Variants in ARHGAP25 observed in about 807,000 individuals in gnomAD.
ARHGAP25 encodes Rho GTPase activating protein 25.
Under a neutral mutation model 71.0 loss-of-function variants are expected in ARHGAP25, and 34 were observed. The ratio of observed to expected loss-of-function variants is 0.48; its 90% CI spans 0.36 to 0.64. The LOEUF is 0.64. Among genes scored for constraint, ARHGAP25 ranks in the 30% least tolerant of loss-of-function variants. ARHGAP25 has a pLI of 0.00. For synonymous variants in ARHGAP25, 282 were observed against 296.5 expected (o/e 0.95, Z 0.50); for missense variants, 706 against 805.1 (o/e 0.88, Z 1.49).
In ARHGAP25 at chr2:68,804,732, A is replaced by G. The variant is rs1371278475; in HGVS notation, c.467-2541A>G. On this transcript the variant is annotated intron_variant, in intron 4 of 10. Transcript: ENST00000409202. ...CATGCTAGTGGGAAGCTGAATTCAT[A>G]TATCAAGGAGATTCCTATTAGTGTT... is the stretch of plus-strand genomic sequence containing the variant. Among the ~76,000 whole-genome samples, 3 of 152,354 alleles carry G rather than the reference A, an allele frequency of 2.0e-5. No individual in the cohort carries two copies. The East Asian group carries it at 5.8e-4, about 29-fold the overall frequency.
intron 4 of ARHGAP25, among the ~76,000 whole-genome samples, chr2:68,801,411 G>T (rs1038607757): frequency 6.6e-6 from 1 of 152,184 alleles, no homozygotes; most frequent in African/African-American, 2.4e-5. Context: ...AACCAAGAGG[G>T]ACTGGTGTGC....
chr2:68,736,314 C>G (rs1465069520), intron 1 of ARHGAP25, among the ~76,000 whole-genome samples: 1 of 152,100 alleles, frequency 6.6e-6, no homozygotes, highest in African/African-American at 2.4e-5. Flanking sequence ...GATTAGCGTT[C>G]CCTAATCAAG....
At chr2:68,791,073 C>T (rs79784484) in intron 4 of ARHGAP25, among the ~76,000 whole-genome samples, 4,684 of 152,248 alleles carry the variant, frequency 0.031, 104 homozygotes, top group Admixed American at 0.061. Context: ...GGTCCCTTAC[C>T]GTCTTCAGGT....
intron 4 of ARHGAP25, among the ~76,000 whole-genome samples, chr2:68,788,201 G>T (rs1167997634): frequency 6.6e-6 from 1 of 152,200 alleles, no homozygotes; most frequent in Admixed American, 6.5e-5. Flanking sequence ...CTGGAGGGAA[G>T]GCAAGTCTTT....
At chr2:68,808,955 C>T (rs1680578317) in intron 5 of ARHGAP25, among the ~76,000 whole-genome samples, 1 of 152,092 alleles carries the variant, frequency 6.6e-6, no homozygotes, top group Admixed American at 6.6e-5. Context: ...ACATCTCCAC[C>T]CCTAGAAGTG....
intron 4 of ARHGAP25, among the ~76,000 whole-genome samples, chr2:68,806,554 T>TAAGTATAACTGAGACAACTACC (rs1680377140): frequency 6.6e-6 from 1 of 152,214 alleles, no homozygotes; most frequent in Non-Finnish European, 1.5e-5. Flanking sequence ...AGACAACTAC[T>TAAGTATAACTGAGACAACTACC]ACGCGACTCC....
At chr2:68,763,742 C>T (rs1676960207) in intron 1 of ARHGAP25, among the ~76,000 whole-genome samples, 1 of 152,074 alleles carries the variant, frequency 6.6e-6, no homozygotes, top group Non-Finnish European at 1.5e-5. Context: ...CATGTTTCAC[C>T]ACATAAAAAG....
At chr2:68,725,725 T>C (rs1341357262) in intron 2 of ARHGAP25, among the ~76,000 whole-genome samples, 5 of 152,184 alleles carry the variant, frequency 3.3e-5, no homozygotes, top group Non-Finnish European at 7.4e-5. Context: ...TGAAGCCCCA[T>C]ACAATTCGTC....
At chr2:68,774,486 C>T (rs1677693635) in intron 1 of ARHGAP25, among the ~76,000 whole-genome samples, 1 of 152,212 alleles carries the variant, frequency 6.6e-6, no homozygotes, top group South Asian at 2.1e-4. Context: ...GTTCTATTGG[C>T]AGTGACGATC....
Position 68,817,948 on chromosome 2 carries a change from G to T in ARHGAP25, c.957G>T (p.Val319=). 1 of 1,614,142 alleles carries T rather than the reference G, an allele frequency of 6.2e-7. No individual in the cohort carries two copies. Among genetic ancestry groups the T allele is most frequent in the Non-Finnish European group, 8.5e-7 (1 of 1,179,994 alleles). The change falls in exon 8 of 11, where the codon GTG becomes GTT. Residue 319 remains valine, a synonymous_variant. Transcript: ENST00000409202. ...ACAACCTGGCTACTGTGATTGGTGT[G>T]AATCTCATCAGGTCGAAGGTCGAAG... ...SVDNLATVIG[V]NLIRSKVEDP...
rs761814522 is a variant in ARHGAP25 at position 68,822,336 on chromosome 2, C to G, written c.1201-4C>G. 2.0e-5 allele frequency: 32 copies of G among 1,609,774 alleles called. No homozygotes were observed. Among genetic ancestry groups the G allele is most frequent in the Non-Finnish European group, 2.7e-5 (32 of 1,177,762 alleles). On this transcript the variant is annotated splice_region_variant and splice_polypyrimidine_tract_variant and intron_variant, in intron 9 of 10. Transcript: ENST00000409202. ...TGTGACATCCATGGCCATTTCTTTT[C>G]TAGACAAGCGACTCTGATACAACCA...
chr2:68,717,164 A>G (rs568781961), intron 2 of ARHGAP25, among the ~76,000 whole-genome samples: 9 of 152,220 alleles, frequency 5.9e-5, no homozygotes, highest in Non-Finnish European at 1.0e-4. Flanking sequence ...ACTGTAGGCA[A>G]TTGTAACACA....
intron 7 of ARHGAP25, 44 bp from the exon 8 acceptor site, chr2:68,817,829 G>A: frequency 6.2e-7 from 1 of 1,608,768 alleles, no homozygotes; most frequent in Non-Finnish European, 8.5e-7. Context: ...CTTCCTCCTG[G>A]CTACTTCCTG....
chr2:68,785,068 C>G (rs1678652741), intron 3 of ARHGAP25, among the ~76,000 whole-genome samples: 1 of 152,080 alleles, frequency 6.6e-6, no homozygotes, highest in Admixed American at 6.6e-5. Flanking sequence ...TTCATATGTT[C>G]AAGGAAGGTC....
chr2:68,726,616 A>AT (rs1220030331), intron 2 of ARHGAP25, among the ~76,000 whole-genome samples: 1 of 152,034 alleles, frequency 6.6e-6, no homozygotes, highest in African/African-American at 2.4e-5. Flanking sequence ...CTATGGGACA[A>AT]TTTTTTTTGG....
At chr2:68,807,151 C>T in intron 4 of ARHGAP25, 122 bp from the exon 5 acceptor site, 1 of 856,686 alleles carries the variant, frequency 1.2e-6, no homozygotes, top group Non-Finnish European at 1.9e-6. Flanking sequence ...ATTTATCTCC[C>T]ATATTTTGTC....
In ARHGAP25 at chr2:68,826,717, C is replaced by A; in HGVS notation, c.*523C>A. ...CTGCCACCCCACCAGGATGCCCATT[C>A]TCCAGGACTTCTCCAACTTACTATT... On this transcript the variant is annotated 3_prime_UTR_variant, in exon 11 of 11. Coordinates refer to ENST00000409202, the MANE Select transcript of ARHGAP25 (RefSeq NM_001007231.3). 5.3e-6 allele frequency: 1 copy of A among 187,036 alleles called. No homozygotes were observed. 11.6% of individuals were successfully genotyped at this position (187,036 alleles called of 1,614,324 possible).
At chr2:68,791,606 C>T (rs1679180871) in intron 4 of ARHGAP25, among the ~76,000 whole-genome samples, 1 of 152,110 alleles carries the variant, frequency 6.6e-6, no homozygotes, top group South Asian at 2.1e-4. Flanking sequence ...TACCTAGACA[C>T]AAACAATTTT....
At chr2:68,815,822 C>A (rs1294751090) in intron 6 of ARHGAP25, among the ~76,000 whole-genome samples, 1 of 152,152 alleles carries the variant, frequency 6.6e-6, no homozygotes, top group African/African-American at 2.4e-5. Context: ...CGTGGTCTGC[C>A]TGTCTCTGTG....
Sources: gnomAD v4.1 joint callset for allele counts (sites outside exome capture counted in the v4.1 genomes callset) on GRCh38, gnomAD v4.1.1 for gene constraint, MANE v1.5 for transcripts, NCBI Gene and HGNC (gene_info 2026-07-23, HGNC 2026-07-21) for gene names.